SIDT1: variants seen among roughly 807,000 people sequenced by gnomAD.
SIDT1 encodes the protein SID1 transmembrane family member 1.
A neutral mutation model predicts 107.5 loss-of-function variants in SIDT1; 101 were observed. The ratio of observed to expected loss-of-function variants is 0.94; its 90% confidence interval spans 0.80 to 1.11. The LOEUF (loss-of-function observed/expected upper bound fraction) is 1.11. SIDT1 is among the 50% of genes least tolerant of loss of function. The probability of loss-of-function intolerance (pLI) is 0.00; values close to 1 mark genes in which losing one functional copy is unlikely to be tolerated. For synonymous variants in SIDT1, 395 were observed against 398.2 expected (o/e 0.99, Z 0.10); for missense variants, 1,076 against 1,058.2 (o/e 1.02, Z -0.23).
At position 113,628,461 on chromosome 3, in the gene SIDT1, C is replaced by T. The variant is rs1221951519; in HGVS notation, c.*753C>T. On this transcript the variant is annotated 3_prime_UTR_variant, in exon 25 of 25. Coordinates refer to ENST00000264852, the MANE Select transcript of SIDT1 (RefSeq NM_017699.3). The stretch of plus-strand genomic sequence containing the variant: ...CTCTGACTCTGCCTTCTTGGAAAGG[C>T]CCTGTCACTCCACAGATGTCTGGCC... 8 of 152,842 alleles carry T rather than the reference C, an allele frequency of 5.2e-5. No individual in the cohort carries two copies. The highest frequency in any genetic ancestry group is 4.6e-4 in the Admixed American group (7 of 15,278). 9.5% of individuals were successfully genotyped at this position (152,842 alleles called of 1,614,324 possible).
In SIDT1 at chr3:113,580,715, T is replaced by G; in HGVS notation, c.663+6T>G. The G allele has an allele frequency of 6.4e-7, 1 of 1,574,202 alleles. No homozygotes were observed. The highest frequency in any genetic ancestry group is 8.7e-7 in the Non-Finnish European group (1 of 1,143,954). On this transcript the variant is annotated splice_donor_region_variant and intron_variant, in intron 5 of 24. Transcript: ENST00000264852. The stretch of plus-strand genomic sequence containing the variant: ...TCTCAGTCCAGAATATCATGGTGAG[T>G]GCTGATAACTTGCCAACCTTCTACT...
intron 10 of SIDT1, 22 bp downstream of exon 10, chr3:113,593,070 A>T: frequency 1.2e-6 from 2 of 1,603,964 alleles, no homozygotes; most frequent in Non-Finnish European, 1.7e-6. Context: ...GCTTGGTTTC[A>T]ATTCAAAATG....
intron 19 of SIDT1, among the ~76,000 whole-genome samples, chr3:113,614,901 A>G (rs1945996572): frequency 6.6e-6 from 1 of 152,236 alleles, no homozygotes; most frequent in African/African-American, 2.4e-5. Context: ...GAAAGATCCT[A>G]TGTTCTCTTT....
Position 113,566,519 on chromosome 3 carries a change from G to A in SIDT1, c.322G>A (p.Val108Ile), listed in dbSNP as rs780732338. The change falls in exon 2 of 25, where the codon GTT (valine) becomes ATT (isoleucine). Residue 108 changes from valine (V) to isoleucine (I), a missense_variant. By Grantham distance (29) the Val-to-Ile change is conservative. Transcript: ENST00000264852. ...GCAGAAAGAGGTGCTGTCCTGGCAGGTTCCTCTGCTCTTCCAAGGACTGTA... is the reference window on the plus strand; with the variant it reads ...GCAGAAAGAGGTGCTGTCCTGGCAGATTCCTCTGCTCTTCCAAGGACTGTA... Reference protein sequence around the residue: ...RQQKEVLSWQVPLLFQGLYQR... With the variant: ...RQQKEVLSWQIPLLFQGLYQR... 6.2e-7 allele frequency: 1 copy of A among 1,614,006 alleles called. No homozygotes were observed. Among genetic ancestry groups the A allele is most frequent in the Non-Finnish European group, 8.5e-7 (1 of 1,179,948 alleles).
rs61738949 is a variant in SIDT1 at position 113,533,115 on chromosome 3, C to T, written c.94C>T (p.Pro32Ser). ...GCACCCGGCGAAATCCCCCAGGCAG[C>T]CCCCGGCACCGCGCCGCGACCCCTT... ...PGHPAKSPRQ[P>S]PAPRRDPFDA... The change falls in exon 1 of 25, where the codon CCC becomes TCC. Residue 32 changes from proline (P) to serine (S), a missense_variant. Physicochemically the swap from Pro to Ser is moderately conservative, Grantham distance 74. Coordinates refer to ENST00000264852, the MANE Select transcript of SIDT1 (RefSeq NM_017699.3). The T allele has an allele frequency of 1.4e-5, 22 of 1,532,976 alleles. No individual in the cohort carries two copies. Among genetic ancestry groups the T allele is most frequent in the African/African-American group, 2.8e-5 (2 of 70,596 alleles). 95.0% of individuals were successfully genotyped at this position (1,532,976 alleles called of 1,614,324 possible).
rs34023543 is a variant in SIDT1 at position 113,611,092 on chromosome 3, A to C, written c.1805A>C (p.Tyr602Ser). The change falls in exon 18 of 25, where the codon TAC (tyrosine) becomes TCC (serine). Residue 602 changes from tyrosine to serine, a missense_variant. Physicochemically the swap from Tyr to Ser is moderately radical, Grantham distance 144 (BLOSUM62 -2). Coordinates refer to ENST00000264852, the MANE Select transcript of SIDT1 (RefSeq NM_017699.3). ...CACCCAGACATCAATGCCAGCGCCT[A>C]CTCTGCCTATGCCTCCTTTGCTGTG... Reference protein sequence around the residue: ...TRHPDINASAYSAYASFAVVI... With the variant: ...TRHPDINASASSAYASFAVVI... The C allele has an allele frequency of 1.9e-6, 3 of 1,613,616 alleles. No individual in the cohort carries two copies. In the African/African-American group the frequency reaches 4.0e-5, roughly 22 times the overall value.
Position 113,576,881 on chromosome 3 carries a change from C to T in SIDT1, c.516-41C>T, listed in dbSNP as rs1306867012. 23 of 1,602,884 alleles carry T rather than the reference C, an allele frequency of 1.4e-5. No individual in the cohort carries two copies. In the Admixed American group the frequency reaches 3.8e-4, roughly 27 times the overall value. On this transcript the variant is annotated intron_variant, in intron 3 of 24. Coordinates refer to ENST00000264852, the MANE Select transcript of SIDT1 (RefSeq NM_017699.3). The stretch of plus-strand genomic sequence containing the variant: ...TTTGCTCACTAACTTATGCTTTTCT[C>T]TCACTTTTCCCCTTTCCCTTCTGCC...
At chr3:113,558,726 ATTGT>A (rs771529075) in intron 1 of SIDT1, among the ~76,000 whole-genome samples, 1 of 152,204 alleles carries the variant, frequency 6.6e-6, no homozygotes, top group Non-Finnish European at 1.5e-5. Context: ...GAGTCATTAA[ATTGT>A]TTGTTTCCAA....
chr3:113,533,983 C>T (rs1199797496), intron 1 of SIDT1, among the ~76,000 whole-genome samples: 1 of 152,182 alleles, frequency 6.6e-6, no homozygotes, highest in Non-Finnish European at 1.5e-5. Context: ...GACATATATA[C>T]TCCGATTATA....
chr3:113,533,754 T>G (rs986685493), intron 1 of SIDT1, among the ~76,000 whole-genome samples: 6 of 152,198 alleles, frequency 3.9e-5, no homozygotes, highest in African/African-American at 1.2e-4. Flanking sequence ...CCTCTGTGCA[T>G]TCAACAGTCA....
At chr3:113,619,197 C>G (rs1383028797) in intron 20 of SIDT1, among the ~76,000 whole-genome samples, 1 of 152,192 alleles carries the variant, frequency 6.6e-6, no homozygotes, top group Non-Finnish European at 1.5e-5. Flanking sequence ...ACACAGGAAC[C>G]TGTGAGTTTC....
chr3:113,595,578 CA>C (rs200311251), intron 10 of SIDT1, among the ~76,000 whole-genome samples: 2,378 of 129,720 alleles, frequency 0.018, 47 homozygotes, highest in African/African-American at 0.054. Context: ...GACCGTGTCT[CA>C]AAAAAAAAAA....
chr3:113,608,228 A>G lies in SIDT1; in HGVS notation c.1602+11A>G. ...GACATCTTTGCTGTGGTGAGGAAAGAGTGGGTAGGAGCTAGGAAGGGTTAT... is the reference window on the plus strand; with the variant it reads ...GACATCTTTGCTGTGGTGAGGAAAGGGTGGGTAGGAGCTAGGAAGGGTTAT... On this transcript the variant is annotated intron_variant, in intron 16 of 24. Transcript: ENST00000264852. 6.3e-7 allele frequency: 1 copy of G among 1,575,390 alleles called. No individual in the cohort carries two copies. The highest frequency in any genetic ancestry group is 1.2e-5 in the South Asian group (1 of 84,550).
chr3:113,623,192 TAAAAAAAAAAAA>T (rs61454117), intron 21 of SIDT1, among the ~76,000 whole-genome samples: 9 of 53,808 alleles, frequency 1.7e-4, no homozygotes, highest in Admixed American at 5.8e-4. Context: ...CCCCAACTCT[TAAAAAAAAAAAA>T]AAAAAAAAAA....
intron 3 of SIDT1, 149 bp downstream of exon 3, chr3:113,567,859 C>T: frequency 1.3e-6 from 1 of 749,078 alleles, no homozygotes; most frequent in South Asian, 1.8e-5. Flanking sequence ...CTGCCCATAA[C>T]TGAGCAGCAG....
At chr3:113,555,607 A>T (rs1487773712) in intron 1 of SIDT1, among the ~76,000 whole-genome samples, 1 of 152,226 alleles carries the variant, frequency 6.6e-6, no homozygotes, top group Non-Finnish European at 1.5e-5. Context: ...GAAGGCTTAT[A>T]TGATTATATT....
intron 1 of SIDT1, among the ~76,000 whole-genome samples, chr3:113,537,368 CA>C (rs748146636): frequency 6.6e-6 from 1 of 152,184 alleles, no homozygotes; most frequent in Non-Finnish European, 1.5e-5. Flanking sequence ...AAAGCCTACC[CA>C]GTCCTTAAGA....
chr3:113,540,763 TG>T (rs1283719337), intron 1 of SIDT1, among the ~76,000 whole-genome samples: 5 of 152,186 alleles, frequency 3.3e-5, no homozygotes, highest in African/African-American at 1.2e-4. Context: ...TAAAATAAAT[TG>T]TTTTTTTAAA....
intron 9 of SIDT1, among the ~76,000 whole-genome samples, chr3:113,591,235 C>T (rs1465824797): frequency 6.6e-6 from 1 of 152,120 alleles, no homozygotes; most frequent in Non-Finnish European, 1.5e-5. Flanking sequence ...TTATTTTAGC[C>T]ATATAAGGCA....
Sources: allele counts gnomAD v4.1 joint callset (sites outside exome capture counted in the v4.1 genomes callset), GRCh38; gene constraint gnomAD v4.1.1; transcripts MANE v1.5; gene names NCBI Gene and HGNC (gene_info 2026-07-23, HGNC 2026-07-21).